The following WWC2 variants were observed in gnomAD, a reference collection of about 807,000 sequenced individuals.
WWC2 encodes WW and C2 domain containing 2.
A neutral mutation model predicts 138.5 loss-of-function variants in WWC2; 101 were observed. The ratio of observed to expected loss-of-function variants is 0.73; its 90% CI spans 0.62 to 0.86. WWC2 has a LOEUF of 0.86. Ranked by LOEUF, WWC2 falls within the 40% of genes least tolerant of loss-of-function variation. WWC2 has a pLI of 0.00. For missense variants in WWC2, 1,420 were observed against 1,419.4 expected (o/e 1.00, Z -0.01); for synonymous variants, 558 against 538.4 (o/e 1.04, Z -0.50).
At chr4:183,211,420 C>T (rs962112425) in intron 4 of WWC2, among the ~76,000 whole-genome samples, 5 of 152,162 alleles carry the variant, frequency 3.3e-5, no homozygotes, top group African/African-American at 4.8e-5. Flanking sequence ...TTTTTGAACA[C>T]TTTGTCATCC....
intron 21 of WWC2, among the ~76,000 whole-genome samples, chr4:183,311,578 GTT>G (rs33921495): frequency 6.6e-4 from 76 of 115,260 alleles, no homozygotes; most frequent in African/African-American, 7.5e-4. Flanking sequence ...ATGTGTGCAG[GTT>G]TTTTTTTTTT....
intron 1 of WWC2, among the ~76,000 whole-genome samples, chr4:183,099,863 C>G (rs1312854626): frequency 2.0e-5 from 3 of 152,158 alleles, no homozygotes; most frequent in Non-Finnish European, 4.4e-5. Context: ...AGTCGCTGCC[C>G]CGGGCCGACG....
At chr4:183,152,251 G>T (rs1274521168) in intron 1 of WWC2, among the ~76,000 whole-genome samples, 1 of 152,134 alleles carries the variant, frequency 6.6e-6, no homozygotes, top group Non-Finnish European at 1.5e-5. Context: ...TGTAATCCCA[G>T]CACTTTGGGA....
At chr4:183,276,873 C>T (rs866131236) in intron 16 of WWC2, among the ~76,000 whole-genome samples, 3 of 151,986 alleles carry the variant, frequency 2.0e-5, no homozygotes, top group Admixed American at 6.6e-5. Context: ...TTTCTTTGAA[C>T]GTATTAAAAA....
chr4:183,111,846 CACA>C (rs1351817315), intron 1 of WWC2, among the ~76,000 whole-genome samples: 5 of 151,940 alleles, frequency 3.3e-5, no homozygotes, highest in African/African-American at 1.2e-4. Flanking sequence ...AGGGGTGCGG[CACA>C]ACACCTGGCT....
chr4:183,268,954 ATTCTTGT>A lies in WWC2; in HGVS notation c.2208-15_2208-9del. On this transcript the variant is annotated splice_polypyrimidine_tract_variant and intron_variant, in intron 14 of 22. Coordinates refer to ENST00000403733, the MANE Select transcript of WWC2 (RefSeq NM_024949.6). ...TTAAAGTACCTATGAAATCCATTTTATTCTTGTTCTTTGCAGATATTTTAGGGTTGCC... is the reference window on the plus strand; with the variant it reads ...TTAAAGTACCTATGAAATCCATTTTATCTTTGCAGATATTTTAGGGTTGCC... 2 of 1,600,314 alleles carry A rather than the reference ATTCTTGT, an allele frequency of 1.2e-6. No individual in the cohort carries two copies. The highest frequency in any genetic ancestry group is 8.5e-7 in the Non-Finnish European group (1 of 1,174,334).
At chr4:183,118,086 CTG>C (rs1207755263) in intron 1 of WWC2, among the ~76,000 whole-genome samples, 1 of 152,228 alleles carries the variant, frequency 6.6e-6, no homozygotes, top group Non-Finnish European at 1.5e-5. Flanking sequence ...GAGTGAGCCA[CTG>C]CGCCTGGCCG....
Position 183,319,660 on chromosome 4 carries a change from C to T in WWC2, c.*3931C>T. The T allele has an allele frequency of 1.2e-6, 2 of 1,614,148 alleles. No individual in the cohort carries two copies. The highest frequency in any genetic ancestry group is 1.7e-6 in the Non-Finnish European group (2 of 1,180,036). On this transcript the variant is annotated 3_prime_UTR_variant, in exon 23 of 23. Transcript: ENST00000403733. ...GCTAGGGGAGCGTGGCTGGAGCAGGCTGCACAGTGGAGCAGACACCCTCCT... is the reference window on the plus strand; with the variant it reads ...GCTAGGGGAGCGTGGCTGGAGCAGGTTGCACAGTGGAGCAGACACCCTCCT...
chr4:183,155,189 G>GGGGAGAGAGAGAGAGAGAGAGA (rs1554067851), intron 1 of WWC2, among the ~76,000 whole-genome samples: 25 of 103,704 alleles, frequency 2.4e-4, no homozygotes, highest in African/African-American at 8.6e-4. Flanking sequence ...CATCTTCTGA[G>GGGGAGAGAGAGAGAGAGAGAGA]GAGAGAGAGA....
At chr4:183,279,662 T>C (rs1376934103) in intron 16 of WWC2, among the ~76,000 whole-genome samples, 1 of 152,062 alleles carries the variant, frequency 6.6e-6, no homozygotes, top group Non-Finnish European at 1.5e-5. Context: ...GATCCTGTTA[T>C]TGGTCTATTC....
chr4:183,145,969 T>C (rs962005957), intron 1 of WWC2, among the ~76,000 whole-genome samples: 14 of 152,182 alleles, frequency 9.2e-5, no homozygotes, highest in Non-Finnish European at 4.4e-5. Context: ...TTTGGTTGAT[T>C]AATGTGTCTA....
intron 1 of WWC2, among the ~76,000 whole-genome samples, chr4:183,162,682 C>T (rs960743205): frequency 6.6e-5 from 10 of 152,086 alleles, no homozygotes; most frequent in African/African-American, 1.7e-4. Context: ...GTCTGAGTCA[C>T]GAGAAACTAC....
chr4:183,203,915 G>A (rs564646219), intron 2 of WWC2, among the ~76,000 whole-genome samples: 1 of 152,290 alleles, frequency 6.6e-6, no homozygotes, highest in Admixed American at 6.5e-5. Flanking sequence ...GGTATGAGTA[G>A]TACAGTCCAA....
intron 5 of WWC2, among the ~76,000 whole-genome samples, chr4:183,243,373 G>A (rs952452850): frequency 1.3e-5 from 2 of 152,118 alleles, no homozygotes; most frequent in African/African-American, 2.4e-5. Context: ...TAGTTAAAAA[G>A]TGCTACATTT....
At chr4:183,254,939 T>G (rs970548745) in intron 9 of WWC2, among the ~76,000 whole-genome samples, 1 of 152,162 alleles carries the variant, frequency 6.6e-6, no homozygotes, top group Non-Finnish European at 1.5e-5. Context: ...GTTGCATGGC[T>G]ACATAATATC....
At chr4:183,298,120 T>C (rs992154007) in intron 21 of WWC2, among the ~76,000 whole-genome samples, 3 of 152,212 alleles carry the variant, frequency 2.0e-5, no homozygotes, top group African/African-American at 7.2e-5. Context: ...AATGTGTGTT[T>C]TCTAGTTCTT....
chr4:183,145,366 G>T (rs552335197), intron 1 of WWC2, among the ~76,000 whole-genome samples: 11 of 152,094 alleles, frequency 7.2e-5, no homozygotes, highest in Non-Finnish European at 1.5e-4. Flanking sequence ...TTAAAAAGAT[G>T]ATAGAACAAC....
chr4:183,170,877 G>A lies in WWC2; in HGVS notation c.132-22722G>A, dbSNP rs532208691. 2.0e-5 allele frequency among the ~76,000 whole-genome samples: 3 copies of A among 150,122 alleles called. No homozygotes were observed. The East Asian group carries it at 5.9e-4, about 29-fold the overall frequency. On this transcript the variant is annotated intron_variant, in intron 1 of 22. Coordinates refer to ENST00000403733, the MANE Select transcript of WWC2 (RefSeq NM_024949.6). Reference sequence around the variant, plus strand: ...TTTTTTTTTTTTAATAGAGAGTCTCGCTATATTTCCTAGACTGGTCTTGAA... The same window carrying A: ...TTTTTTTTTTTTAATAGAGAGTCTCACTATATTTCCTAGACTGGTCTTGAA...
intron 1 of WWC2, among the ~76,000 whole-genome samples, chr4:183,159,485 G>C (rs112126589): frequency 2.0e-5 from 3 of 152,048 alleles, no homozygotes; most frequent in African/African-American, 7.2e-5. Flanking sequence ...GCTCACTGCA[G>C]ACTCGACTTC....
Sources: allele counts gnomAD v4.1 joint callset (sites outside exome capture counted in the v4.1 genomes callset), GRCh38; gene constraint gnomAD v4.1.1; transcripts MANE v1.5; gene names NCBI Gene and HGNC (gene_info 2026-07-23, HGNC 2026-07-21).